The following KY variants were observed in gnomAD, a reference collection of about 807,000 sequenced individuals.
The protein encoded by KY is kyphoscoliosis peptidase.
KY carries 43 observed loss-of-function variants against 76.1 expected under a neutral mutation model. That is an observed-to-expected ratio of 0.57 (90% confidence interval 0.44 to 0.73). KY has a LOEUF of 0.73. KY is among the 30% of genes least tolerant of loss of function. KY has a pLI of 0.00. For synonymous variants in KY, 277 were observed against 326.2 expected (o/e 0.85, Z 1.63); for missense variants, 722 against 828.9 (o/e 0.87, Z 1.58).
chr3:134,646,343 G>A (rs563921164), intron 2 of KY, among the ~76,000 whole-genome samples: 1 of 152,274 alleles, frequency 6.6e-6, no homozygotes, highest in East Asian at 1.9e-4. Flanking sequence ...GGGATGGGGA[G>A]TGTGTCTTGA....
intron 3 of KY, among the ~76,000 whole-genome samples, chr3:134,639,231 C>T (rs1965404946): frequency 6.6e-6 from 1 of 152,166 alleles, no homozygotes; most frequent in African/African-American, 2.4e-5. Context: ...AAAGCAGTGA[C>T]ATCCCAGGAA....
chr3:134,604,469 C>T lies in KY; in HGVS notation c.1096G>A (p.Gly366Arg). Residue 366 changes from glycine (G) to arginine (R), a missense_variant, in exon 11 of 11, where the codon GGG becomes AGG. By Grantham distance (125) the Gly-to-Arg change is moderately radical. This residue lies in a region of KY where 552 missense variants were observed against 680.9 expected (regional missense o/e 0.81). Coordinates refer to ENST00000423778, the MANE Select transcript of KY (RefSeq NM_178554.6). ...PETSMIRTVN[G>R]KATVTIESCA... The stretch of plus-strand genomic sequence containing the variant: ...CTCTCAATGGTGACCGTGGCCTTCC[C>T]ATTCACTGAGGAGAGAAAGTCAGGG... 6.2e-7 allele frequency: 1 copy of T among 1,602,588 alleles called. No individual in the cohort carries two copies. The highest frequency in any genetic ancestry group is 2.2e-5 in the East Asian group (1 of 44,700).
intron 4 of KY, among the ~76,000 whole-genome samples, chr3:134,628,941 C>T (rs1377372253): frequency 6.6e-6 from 1 of 152,220 alleles, no homozygotes; most frequent in Non-Finnish European, 1.5e-5. Context: ...TGGCTCACTG[C>T]ATGGACCTAA....
intron 3 of KY, among the ~76,000 whole-genome samples, chr3:134,629,938 A>G (rs1031807452): frequency 6.6e-6 from 1 of 152,222 alleles, no homozygotes; most frequent in Non-Finnish European, 1.5e-5. Flanking sequence ...ATTATAAACA[A>G]TGTACTGAAT....
Position 134,619,226 on chromosome 3 carries a change from G to C in KY, c.632C>G (p.Ala211Gly), listed in dbSNP as rs754690186. The change falls in exon 8 of 11, where the codon GCC becomes GGC. Residue 211 changes from alanine to glycine, a missense_variant. This residue lies in a region of KY where 552 missense variants were observed against 680.9 expected (regional missense o/e 0.81). Transcript: ENST00000423778. ...CCGCAGGATGTCAGTGGGTTTGAAG[G>C]CTTGGCGGTCCTTCTCCTGAGCAGC... ...IAAAQEKDRQ[A>G]FKPTDILRTQ... 247 of 1,613,982 alleles carry C rather than the reference G, an allele frequency of 1.5e-4. 3 individuals are homozygous for C. The highest frequency in any genetic ancestry group is 8.3e-4 in the Middle Eastern group (5 of 6,060).
chr3:134,619,318 A>C (rs1264979900), intron 7 of KY, 53 bp from the exon 8 acceptor site: 30 of 1,346,214 alleles, frequency 2.2e-5, no homozygotes, highest in Non-Finnish European at 3.2e-5. Context: ...AGGCGAGAAG[A>C]CTCCACCCCA....
At position 134,608,661 on chromosome 3, in the gene KY, T is replaced by A. The variant is rs189059675; in HGVS notation, c.1078A>T (p.Met360Leu). The change falls in exon 10 of 11, where the codon ATG (methionine) becomes TTG (leucine). Residue 360 changes from methionine to leucine, a missense_variant. By Grantham distance (15) the Met-to-Leu change is conservative. Around this residue, in one of 2 missense-constraint regions of KY, gnomAD observed 552 missense variants for 680.9 expected, o/e 0.81. Transcript: ENST00000423778. Reference sequence around the variant, plus strand: ...GCTCCGGGCTCACCTGTTCTGATCATGGAAGTCTCTGGGTGGGCACTCAGC... The same window carrying A: ...GCTCCGGGCTCACCTGTTCTGATCAAGGAAGTCTCTGGGTGGGCACTCAGC... ...GMLSAHPETSMIRTVNGKATV... is the reference protein window; with the variant it reads ...GMLSAHPETSLIRTVNGKATV... The A allele has an allele frequency of 6.3e-3, 10,104 of 1,614,020 alleles. 48 individuals are homozygous for A. The highest frequency in any genetic ancestry group is 8.2e-3 in the Non-Finnish European group (9,686 of 1,179,886).
intron 3 of KY, among the ~76,000 whole-genome samples, chr3:134,640,360 G>A (rs377240820): frequency 2.6e-5 from 4 of 152,228 alleles, no homozygotes; most frequent in East Asian, 1.9e-4. Context: ...TCTGGTATGC[G>A]ACTTCAGGCA....
intron 4 of KY, among the ~76,000 whole-genome samples, chr3:134,628,865 C>G (rs542595710): frequency 6.6e-6 from 1 of 152,308 alleles, no homozygotes; most frequent in Non-Finnish European, 1.5e-5. Context: ...GCCCTCTTTA[C>G]AGTAGACTAC....
At chr3:134,614,540 C>T (rs886382217) in intron 8 of KY, among the ~76,000 whole-genome samples, 7 of 152,020 alleles carry the variant, frequency 4.6e-5, no homozygotes, top group Admixed American at 4.6e-4. Context: ...GACCACATGG[C>T]CACCAAATGT....
intron 3 of KY, among the ~76,000 whole-genome samples, chr3:134,636,063 T>G (rs2107952449): frequency 6.6e-6 from 1 of 152,320 alleles, no homozygotes; most frequent in East Asian, 1.9e-4. Context: ...GTTTTGCTAT[T>G]AGAAATGATG....
rs755914324 is a variant in KY at position 134,604,039 on chromosome 3, C to T, written c.1526G>A (p.Arg509Gln). 7.1e-5 allele frequency: 114 copies of T among 1,613,896 alleles called. No homozygotes were observed. Among genetic ancestry groups the T allele is most frequent in the Middle Eastern group, 4.9e-4 (3 of 6,084 alleles). Residue 509 changes from arginine (R) to glutamine (Q), a missense_variant, in exon 11 of 11, where the codon CGG (arginine) becomes CAG (glutamine). By Grantham distance (43) the Arg-to-Gln change is conservative. Coordinates refer to ENST00000423778, the MANE Select transcript of KY (RefSeq NM_178554.6). ...DDGPITEETQRRYIFQLHREK... is the reference protein window; with the variant it reads ...DDGPITEETQQRYIFQLHREK... ...CCGGTGCAGCTGGAAGATGTAGCGC[C>T]GCTGTGTCTCCTCAGTGATGGGGCC...
chr3:134,610,631 C>T (rs992489294), intron 8 of KY: 8 of 464,766 alleles, frequency 1.7e-5, no homozygotes, highest in Admixed American at 7.6e-5. Flanking sequence ...TCTGCTCCTC[C>T]CCTGAGACCA....
At chr3:134,649,471 G>A (rs1966825237) in intron 1 of KY, among the ~76,000 whole-genome samples, 1 of 152,192 alleles carries the variant, frequency 6.6e-6, no homozygotes. Context: ...AGGCATTCTG[G>A]ACTGTGGTAC....
In KY at chr3:134,604,438, G is replaced by T. The variant is rs1959106709; in HGVS notation, c.1127C>A (p.Ala376Asp). 6.2e-7 allele frequency: 1 copy of T among 1,613,058 alleles called. No individual in the cohort carries two copies. The highest frequency in any genetic ancestry group is 2.2e-5 in the East Asian group (1 of 44,864). ...GAGCATGAACATGAACAGCGTCGGG[G>T]CGCAGCTCTCAATGGTGACCGTGGC... ...GKATVTIESC[A>D]PTLFMFMLNG... The change falls in exon 11 of 11, where the codon GCC (alanine) becomes GAC (aspartate). Residue 376 changes from alanine to aspartate, a missense_variant. Coordinates refer to ENST00000423778, the MANE Select transcript of KY (RefSeq NM_178554.6).
chr3:134,617,788 G>C (rs1961836967), intron 8 of KY, among the ~76,000 whole-genome samples: 1 of 152,188 alleles, frequency 6.6e-6, no homozygotes, highest in Non-Finnish European at 1.5e-5. Context: ...TCTGGGGAGA[G>C]GGAGCAGGTG....
At chr3:134,605,435 G>T (rs567169641) in intron 10 of KY, among the ~76,000 whole-genome samples, 1 of 152,104 alleles carries the variant, frequency 6.6e-6, no homozygotes, top group Admixed American at 6.5e-5. Context: ...CTCTTGGTAG[G>T]GGAGGCAGAA....
intron 6 of KY, among the ~76,000 whole-genome samples, chr3:134,621,574 A>G (rs1174093294): frequency 6.6e-6 from 1 of 152,246 alleles, no homozygotes; most frequent in African/African-American, 2.4e-5. Context: ...CTCAAAATGG[A>G]TCAGTGACTC....
chr3:134,645,966 C>T (rs988576675), intron 2 of KY, among the ~76,000 whole-genome samples: 3 of 152,142 alleles, frequency 2.0e-5, no homozygotes, highest in Non-Finnish European at 4.4e-5. Flanking sequence ...TAATAACATG[C>T]CTGAGAAGCC....
Sources: gnomAD v4.1 joint callset for allele counts (sites outside exome capture counted in the v4.1 genomes callset) on GRCh38, gnomAD v4.1.1 for gene constraint, gnomAD v4.1.1 regional missense constraint, MANE v1.5 for transcripts, NCBI Gene and HGNC (gene_info 2026-07-23, HGNC 2026-07-21) for gene names.